The following CDK2 variants were observed in gnomAD, a reference collection of about 807,000 sequenced individuals.
CDK2 encodes cyclin-dependent kinase 2.
CDK2 carries 8 observed loss-of-function variants against 35.0 expected under a neutral mutation model. The ratio of observed to expected loss-of-function variants is 0.23; its 90% CI spans 0.13 to 0.41. The LOEUF is 0.41. Among genes scored for constraint, CDK2 ranks in the 10% least tolerant of loss-of-function variants. CDK2 has a pLI of 1.00. For missense variants in CDK2, 201 were observed against 367.1 expected, an observed-to-expected ratio of 0.55 and a Z score of 3.70; for synonymous variants, 134 against 137.7, an observed-to-expected ratio of 0.97 and a Z score of 0.19.
At chr12:55,968,364 G>A (rs757834416) in intron 3 of CDK2, 195 bp downstream of exon 3, 2 of 595,154 alleles carry the variant, frequency 3.4e-6, no homozygotes, top group African/African-American at 1.9e-5. Context: ...AACAATCAAA[G>A]TTGAAACTCT....
In CDK2 at chr12:55,972,101, T is replaced by C. The variant is rs2136462436; in HGVS notation, c.*476T>C. 6.4e-6 allele frequency: 1 copy of C among 156,354 alleles called. No individual in the cohort carries two copies. Among genetic ancestry groups the C allele is most frequent in the Middle Eastern group, 3.3e-3 (1 of 304 alleles). 9.7% of individuals were successfully genotyped at this position (156,354 alleles called of 1,614,324 possible). On this transcript the variant is annotated 3_prime_UTR_variant, in exon 7 of 7. Coordinates refer to ENST00000266970, the MANE Select transcript of CDK2 (RefSeq NM_001798.5). ...CAAAACCACTGGGAGGAGTCTATTT[T>C]AAAGAATTCGGTTGAAAAAATAGAT...
At chr12:55,969,170 T>C (rs1889412876) in intron 4 of CDK2, among the ~76,000 whole-genome samples, 1 of 152,046 alleles carries the variant, frequency 6.6e-6, no homozygotes, top group African/African-American at 2.4e-5. Flanking sequence ...GGAGGATCAC[T>C]TGAGCCCAGG....
Position 55,969,463 on chromosome 12 carries a change from C to T in CDK2, c.487-12C>T, listed in dbSNP as rs1254851354. 4 of 1,536,834 alleles carry T rather than the reference C, an allele frequency of 2.6e-6. No individual in the cohort carries two copies. The highest frequency in any genetic ancestry group is 1.4e-5 in the African/African-American group (1 of 72,730). ...ATAAACCACCCCGCCCCTCCCTATTCCCGTCCCTCAGGTGGTGACCCTGTG... is the reference window on the plus strand; with the variant it reads ...ATAAACCACCCCGCCCCTCCCTATTTCCGTCCCTCAGGTGGTGACCCTGTG... On this transcript the variant is annotated splice_polypyrimidine_tract_variant and intron_variant, in intron 4 of 6. Transcript: ENST00000266970.
chr12:55,969,957 T>A (rs769695577), intron 5 of CDK2: 1 of 157,220 alleles, frequency 6.4e-6, no homozygotes. Flanking sequence ...TGAAGACAAC[T>A]GTGGTCACTT....
intron 5 of CDK2, chr12:55,970,664 C>A: frequency 2.8e-6 from 2 of 702,382 alleles, no homozygotes; most frequent in South Asian, 1.5e-5. Context: ...AAGACAGAGT[C>A]TCTGCCCGCT....
chr12:55,971,762 C>A lies in CDK2; in HGVS notation c.*137C>A. 1.6e-6 allele frequency: 1 copy of A among 630,878 alleles called. No individual in the cohort carries two copies. The highest frequency in any genetic ancestry group is 1.9e-5 in the South Asian group (1 of 52,390). 39.1% of individuals were successfully genotyped at this position (630,878 alleles called of 1,614,324 possible). On this transcript the variant is annotated 3_prime_UTR_variant, in exon 7 of 7. Transcript: ENST00000266970. The stretch of plus-strand genomic sequence containing the variant: ...ACACTCACCTTCTAGTCTTGGCCAG[C>A]CAACTCTGGGAATACAGGGGTGAAA...
intron 4 of CDK2, among the ~76,000 whole-genome samples, 187 bp from the exon 5 acceptor site, chr12:55,969,288 G>A (rs1353604489): frequency 6.6e-6 from 1 of 152,010 alleles, no homozygotes; most frequent in Non-Finnish European, 1.5e-5. Context: ...GTTTTTCCAG[G>A]AAGATCTCAA....
rs1889505211 is a variant in CDK2 at position 55,972,493 on chromosome 12, G to A, written c.*868G>A. The A allele has an allele frequency of 6.6e-6, 1 of 151,956 alleles. No individual in the cohort carries two copies. The highest frequency in any genetic ancestry group is 1.5e-5 in the Non-Finnish European group (1 of 68,028). The allele number at this position is 151,956 out of a possible 1,614,324, so 9.4% of individuals were successfully genotyped here. ...AGAATGCTGACACTTTTTCAGGGCTGTGATTGAGTGAGGGCATGGGTAAAA... is the reference window on the plus strand; with the variant it reads ...AGAATGCTGACACTTTTTCAGGGCTATGATTGAGTGAGGGCATGGGTAAAA... On this transcript the variant is annotated 3_prime_UTR_variant, in exon 7 of 7. Transcript: ENST00000266970.
chr12:55,967,444 A>G, intron 1 of CDK2: 1 of 433,438 alleles, frequency 2.3e-6, no homozygotes. Flanking sequence ...GAGTGGAGTT[A>G]TGTGGGAACC....
chr12:55,969,119 G>A (rs1356868875), intron 4 of CDK2, among the ~76,000 whole-genome samples, 171 bp downstream of exon 4: 1 of 152,090 alleles, frequency 6.6e-6, no homozygotes, highest in East Asian at 1.9e-4. Flanking sequence ...TTGCTAACTG[G>A]GCCCACACCT....
Position 55,967,004 on chromosome 12 carries a change from G to T in CDK2, c.-5G>T, listed in dbSNP as rs762376662. ...GGCCGGGCTGACCCGACTCGCTGGC[G>T]CTTCATGGAGAACTTCCAAAAGGTG... On this transcript the variant is annotated 5_prime_UTR_variant, in exon 1 of 7. Coordinates refer to ENST00000266970, the MANE Select transcript of CDK2 (RefSeq NM_001798.5). 4 of 1,607,486 alleles carry T rather than the reference G, an allele frequency of 2.5e-6. No homozygotes were observed. The highest frequency in any genetic ancestry group is 1.1e-5 in the South Asian group (1 of 90,228).
rs1035945646 is a variant in CDK2, at chr12:55,971,925, G to A, written c.*300G>A. ...TAATTTTAAAAAAGCCTTCCTACAC[G>A]TTAGATTTGCCGTACCAATCTCTGA... is the stretch of plus-strand genomic sequence containing the variant. On this transcript the variant is annotated 3_prime_UTR_variant, in exon 7 of 7. Coordinates refer to ENST00000266970, the MANE Select transcript of CDK2 (RefSeq NM_001798.5). The A allele has an allele frequency of 3.3e-6, 1 of 303,848 alleles. No homozygotes were observed. Among genetic ancestry groups the A allele is most frequent in the Non-Finnish European group, 6.1e-6 (1 of 163,872 alleles). 18.8% of individuals were successfully genotyped at this position (303,848 alleles called of 1,614,324 possible).
At chr12:55,967,666 TA>T in intron 1 of CDK2, 190 bp from the exon 2 acceptor site, 1 of 589,810 alleles carries the variant, frequency 1.7e-6, no homozygotes, top group South Asian at 2.1e-5. Context: ...AAAGAGGAGA[TA>T]ATGGCCTTAA....
rs1015311988 is a variant in CDK2 at position 55,966,889 on chromosome 12, C to T, written c.-120C>T. 1.5e-5 allele frequency: 14 copies of T among 929,782 alleles called. No individual in the cohort carries two copies. The highest frequency in any genetic ancestry group is 1.9e-5 in the Non-Finnish European group (12 of 616,764). The allele number at this position is 929,782 out of a possible 1,614,324, so 57.6% of individuals were successfully genotyped here. ...AGGTATACTGCGTTCCATCCCGACC[C>T]GGGGCCACGGTACTGGGCCCTGTTT... On this transcript the variant is annotated 5_prime_UTR_variant, in exon 1 of 7. Transcript: ENST00000266970.
intron 6 of CDK2, 64 bp from the exon 7 acceptor site, chr12:55,971,457 A>G (rs1327505641): frequency 7.7e-7 from 1 of 1,306,812 alleles, no homozygotes; most frequent in Admixed American, 1.7e-5. Context: ...GATTTCTGGG[A>G]ACACCTGCTG....
chr12:55,969,618 C>T (rs781435933), intron 5 of CDK2, 42 bp downstream of exon 5: 1 of 1,129,822 alleles, frequency 8.9e-7, no homozygotes, highest in Non-Finnish European at 1.3e-6. Context: ...CCCTCCCTCT[C>T]CTCCCCACAT....
Position 55,971,767 on chromosome 12 carries a change from T to A in CDK2, c.*142T>A. 1.6e-6 allele frequency: 1 copy of A among 622,054 alleles called. No individual in the cohort carries two copies. Among genetic ancestry groups the A allele is most frequent in the South Asian group, 1.9e-5 (1 of 51,690 alleles). The allele number at this position is 622,054 out of a possible 1,614,324, so 38.5% of individuals were successfully genotyped here. A position where few individuals can be genotyped will look rare whatever the true frequency, so the allele number is the denominator to read the frequency against. On this transcript the variant is annotated 3_prime_UTR_variant, in exon 7 of 7. Transcript: ENST00000266970. ...CACCTTCTAGTCTTGGCCAGCCAAC[T>A]CTGGGAATACAGGGGTGAAAGGGGG... is the stretch of plus-strand genomic sequence containing the variant.
At chr12:55,968,464 C>T (rs1182507318) in intron 3 of CDK2, among the ~76,000 whole-genome samples, 1 of 152,104 alleles carries the variant, frequency 6.6e-6, no homozygotes, top group African/African-American at 2.4e-5. Flanking sequence ...TCCAAAAAGC[C>T]CTTCCATTTG....
chr12:55,971,383 T>C (rs1212713087), intron 6 of CDK2, 136 bp downstream of exon 6: 2 of 1,088,142 alleles, frequency 1.8e-6, no homozygotes, highest in Non-Finnish European at 2.8e-6. Flanking sequence ...GTTGGCACAC[T>C]GATTCAGCTA....
Sources: allele counts gnomAD v4.1 joint callset (sites outside exome capture counted in the v4.1 genomes callset), GRCh38; gene constraint gnomAD v4.1.1; transcripts MANE v1.5; gene names NCBI Gene and HGNC (gene_info 2026-07-23, HGNC 2026-07-21).